LRBA: variants seen among roughly 807,000 people sequenced by gnomAD.
The protein encoded by LRBA is lipopolysaccharide-responsive and beige-like anchor protein.
Under a neutral mutation model 330.0 loss-of-function variants are expected in LRBA, and 176 were observed. The observed-to-expected ratio is 0.53, with a 90% CI of 0.47 to 0.60. LRBA has a LOEUF of 0.60. Among genes scored for constraint, LRBA ranks in the 20% least tolerant of loss-of-function variants. The pLI, the probability that LRBA is intolerant of heterozygous loss-of-function variation, is 0.00. For missense variants in LRBA, 3,259 were observed against 3,444.8 expected, an observed-to-expected ratio of 0.95 and a Z score of 1.35; for synonymous variants, 1,230 against 1,193.0, an observed-to-expected ratio of 1.03 and a Z score of -0.64.
chr4:150,610,504 G>A (rs4585281), intron 37 of LRBA, among the ~76,000 whole-genome samples: 107,618 of 151,882 alleles, frequency 0.71, 45,089 homozygotes, highest in Non-Finnish European at 0.91. Context: ...CAGGAGAATC[G>A]CTTGAACCTG....
intron 2 of LRBA, among the ~76,000 whole-genome samples, chr4:150,942,353 G>A (rs1315784812): frequency 4.6e-5 from 7 of 152,132 alleles, no homozygotes; most frequent in Non-Finnish European, 1.0e-4. Flanking sequence ...CAGAAAATTA[G>A]GTTAAATTTG....
chr4:150,351,576 C>A (rs1367794733), intron 47 of LRBA, among the ~76,000 whole-genome samples: 1 of 152,132 alleles, frequency 6.6e-6, no homozygotes, highest in African/African-American at 2.4e-5. Context: ...GTAGTCCCAG[C>A]TACCCGGGAG....
At chr4:150,901,355 T>C (rs1246724925) in intron 13 of LRBA, among the ~76,000 whole-genome samples, 1 of 152,144 alleles carries the variant, frequency 6.6e-6, no homozygotes, top group Non-Finnish European at 1.5e-5. Flanking sequence ...CTATAATCCA[T>C]TACTTAAAGC....
At position 150,575,537 on chromosome 4, in the gene LRBA, C is replaced by T. The variant is rs1374836837; in HGVS notation, c.6330+12511G>A. Among the ~76,000 whole-genome samples, 5 of 151,916 alleles carry T rather than the reference C, an allele frequency of 3.3e-5. No individual in the cohort carries two copies. The East Asian group carries it at 9.7e-4, about 29-fold the overall frequency. On this transcript the variant is annotated intron_variant, in intron 40 of 56. Transcript: ENST00000651943. ...AATGGCTAGTGCTCCTAAAGTATAA[C>T]AAAAACCTACCCATACGATATGCTT...
chr4:150,709,098 G>A lies in LRBA; in HGVS notation c.5755-25381C>T, dbSNP rs567747553. Among the ~76,000 whole-genome samples, 6 of 151,674 alleles carry A rather than the reference G, an allele frequency of 4.0e-5. 1 individual carries two copies. The East Asian group carries it at 5.8e-4, about 15-fold the overall frequency. ...TCTCCACAATAAACCTTTTATTAAC[G>A]TTTCATTATATCCATTTCATAGAAG... On this transcript the variant is annotated intron_variant, in intron 36 of 56. Transcript: ENST00000651943.
At chr4:150,532,223 T>C (rs909529496) in intron 40 of LRBA, among the ~76,000 whole-genome samples, 96 of 152,346 alleles carry the variant, frequency 6.3e-4, no homozygotes, top group African/African-American at 2.2e-3. Flanking sequence ...ATTATCCTTG[T>C]ACTCATCTAG....
intron 37 of LRBA, among the ~76,000 whole-genome samples, chr4:150,644,194 G>A (rs1273707829): frequency 6.6e-6 from 1 of 151,890 alleles, no homozygotes; most frequent in Non-Finnish European, 1.5e-5. Context: ...TTAGTATGCA[G>A]TAACACGATA....
intron 37 of LRBA, among the ~76,000 whole-genome samples, chr4:150,621,883 C>T (rs1222580956): frequency 6.6e-6 from 1 of 152,128 alleles, no homozygotes; most frequent in East Asian, 1.9e-4. Flanking sequence ...GCTGTATGCA[C>T]CCTTTTGATC....
chr4:150,337,360 T>G (rs1461661347), intron 48 of LRBA, among the ~76,000 whole-genome samples: 8 of 152,182 alleles, frequency 5.3e-5, no homozygotes, highest in Admixed American at 1.3e-4. Flanking sequence ...TGTCCTTGAG[T>G]GTATAATTTA....
At chr4:150,774,275 A>G (rs1459073346) in intron 34 of LRBA, among the ~76,000 whole-genome samples, 1 of 152,164 alleles carries the variant, frequency 6.6e-6, no homozygotes, top group Non-Finnish European at 1.5e-5. Context: ...AACATCTTGC[A>G]GTCACTTGTG....
intron 30 of LRBA, among the ~76,000 whole-genome samples, chr4:150,822,156 C>T (rs1745533930): frequency 1.3e-5 from 2 of 152,046 alleles, no homozygotes; most frequent in Admixed American, 1.3e-4. Context: ...GAATACTAGA[C>T]ATGTTAAATT....
At chr4:150,355,154 A>G (rs1200879926) in intron 47 of LRBA, among the ~76,000 whole-genome samples, 1 of 152,088 alleles carries the variant, frequency 6.6e-6, no homozygotes, top group Non-Finnish European at 1.5e-5. Flanking sequence ...CTATTTGAGA[A>G]TAAAAATTCT....
intron 35 of LRBA, among the ~76,000 whole-genome samples, chr4:150,760,073 A>T (rs1734865626): frequency 6.6e-6 from 1 of 152,162 alleles, no homozygotes; most frequent in Non-Finnish European, 1.5e-5. Flanking sequence ...AAATCTGTTC[A>T]TGGGTGTTTT....
At chr4:150,878,456 C>T (rs958890581) in intron 17 of LRBA, among the ~76,000 whole-genome samples, 2 of 151,716 alleles carry the variant, frequency 1.3e-5, no homozygotes, top group Non-Finnish European at 2.9e-5. Context: ...AAACTATTAA[C>T]CCCAAAGCTA....
chr4:150,658,515 C>T (rs1199056719), intron 37 of LRBA, among the ~76,000 whole-genome samples: 2 of 474 alleles, frequency 4.2e-3, no homozygotes, highest in South Asian at 0.25. Context: ...GTCTCCCTCT[C>T]CCTCTCCCTC....
intron 36 of LRBA, among the ~76,000 whole-genome samples, chr4:150,697,335 A>AAC (rs1784728790): frequency 6.8e-6 from 1 of 147,154 alleles, no homozygotes; most frequent in African/African-American, 2.5e-5. Context: ...GAAAAAAAAA[A>AAC]AAAAAAAAAA....
At chr4:150,540,292 T>C (rs1308863450) in intron 40 of LRBA, among the ~76,000 whole-genome samples, 4 of 152,170 alleles carry the variant, frequency 2.6e-5, no homozygotes, top group African/African-American at 7.2e-5. Flanking sequence ...CGATCTCGGC[T>C]CACTGCAGCC....
At chr4:150,386,695 C>T (rs2151899813) in intron 47 of LRBA, among the ~76,000 whole-genome samples, 1 of 152,170 alleles carries the variant, frequency 6.6e-6, no homozygotes, top group East Asian at 1.9e-4. Context: ...GATTCCATGC[C>T]TTTGCTATTG....
chr4:150,328,509 G>A (rs927993542), intron 48 of LRBA, among the ~76,000 whole-genome samples: 3 of 152,090 alleles, frequency 2.0e-5, no homozygotes, highest in African/African-American at 7.2e-5. Flanking sequence ...TGGAGATAGG[G>A]TTATTCAACT....
Sources: gnomAD v4.1 joint callset for allele counts (sites outside exome capture counted in the v4.1 genomes callset) on GRCh38, gnomAD v4.1.1 for gene constraint, MANE v1.5 for transcripts, NCBI Gene and HGNC (gene_info 2026-07-23, HGNC 2026-07-21) for gene names.